NRXN3: variants seen among roughly 807,000 people sequenced by gnomAD.
NRXN3 encodes the protein neurexin III.
NRXN3 carries 32 observed loss-of-function variants against 137.6 expected under a neutral mutation model. That is an observed-to-expected ratio of 0.23 (90% CI 0.18 to 0.31). The LOEUF (loss-of-function observed/expected upper bound fraction) is 0.31, where lower values mean the gene tolerates loss of function less well. Among genes scored for constraint, NRXN3 ranks in the 10% least tolerant of loss-of-function variants. The probability of loss-of-function intolerance (pLI) is 1.00; values close to 1 mark genes in which losing one functional copy is unlikely to be tolerated. For missense variants in NRXN3, 1,574 were observed against 2,062.5 expected, an observed-to-expected ratio of 0.76 and a Z score of 4.59; for synonymous variants, 798 against 784.5, an observed-to-expected ratio of 1.02 and a Z score of -0.29.
chr14:78,909,944 A>C (rs1256065801), intron 10 of NRXN3, among the ~76,000 whole-genome samples: 1 of 152,140 alleles, frequency 6.6e-6, no homozygotes, highest in Non-Finnish European at 1.5e-5. Flanking sequence ...TCATTTATTC[A>C]TATAAATTTG....
At chr14:78,791,948 CTG>C (rs1013331912) in intron 8 of NRXN3, among the ~76,000 whole-genome samples, 2 of 151,902 alleles carry the variant, frequency 1.3e-5, no homozygotes, top group South Asian at 2.1e-4. Flanking sequence ...GTCAACGAAA[CTG>C]TGTCTGAACA....
intron 16 of NRXN3, among the ~76,000 whole-genome samples, chr14:79,537,737 T>C (rs1474059392): frequency 3.3e-5 from 5 of 152,222 alleles, no homozygotes; most frequent in African/African-American, 1.2e-4. Flanking sequence ...TTGTGAATAG[T>C]GCCGCAATAA....
intron 15 of NRXN3, among the ~76,000 whole-genome samples, chr14:79,428,250 T>C (rs2095688125): frequency 6.6e-6 from 1 of 152,170 alleles, no homozygotes; most frequent in Admixed American, 6.5e-5. Context: ...TGACAGAAAA[T>C]GTAAAGTCGT....
intron 16 of NRXN3, among the ~76,000 whole-genome samples, chr14:79,635,435 A>G (rs2098396373): frequency 6.6e-6 from 1 of 152,222 alleles, no homozygotes; most frequent in African/African-American, 2.4e-5. Context: ...AATGGGGTTC[A>G]CCAAACGTAC....
At chr14:79,375,538 A>G (rs1040514708) in intron 15 of NRXN3, among the ~76,000 whole-genome samples, 1 of 152,010 alleles carries the variant, frequency 6.6e-6, no homozygotes, top group African/African-American at 2.4e-5. Flanking sequence ...CCGCAGCGGG[A>G]CGTGCACTTG....
rs191074595 is a variant in NRXN3, at chr14:78,992,354, C to T, written c.3262+4213C>T. ...TGGCTATTCAGAGGGTGAGCACCACCTGAAAATCAACTTAATGAAAGCTGT... is the reference window on the plus strand; with the variant it reads ...TGGCTATTCAGAGGGTGAGCACCACTTGAAAATCAACTTAATGAAAGCTGT... On this transcript the variant is annotated intron_variant, in intron 15 of 20. Coordinates refer to ENST00000335750, the MANE Select transcript of NRXN3 (RefSeq NM_001330195.2). 2.4e-4 allele frequency among the ~76,000 whole-genome samples: 36 copies of T among 152,246 alleles called. 1 individual carries two copies. Among genetic ancestry groups the T allele is most frequent in the Admixed American group, 1.4e-3 (22 of 15,284 alleles).
chr14:78,752,475 C>G (rs2098647814), intron 8 of NRXN3, among the ~76,000 whole-genome samples: 1 of 152,168 alleles, frequency 6.6e-6, no homozygotes, highest in Non-Finnish European at 1.5e-5. Flanking sequence ...ACATTTAGAA[C>G]CTATGTATGC....
At chr14:79,670,714 G>C (rs1484779797) in intron 17 of NRXN3, among the ~76,000 whole-genome samples, 3 of 152,110 alleles carry the variant, frequency 2.0e-5, no homozygotes, top group Non-Finnish European at 4.4e-5. Context: ...AATGGGGATT[G>C]TGTTCATTGT....
intron 4 of NRXN3, among the ~76,000 whole-genome samples, chr14:78,555,149 A>G (rs1408127481): frequency 4.6e-5 from 7 of 152,182 alleles, no homozygotes; most frequent in Non-Finnish European, 7.3e-5. Flanking sequence ...TTAATGAGGT[A>G]ACAGTTATAA....
At chr14:79,283,451 G>A (rs1451970494) in intron 15 of NRXN3, among the ~76,000 whole-genome samples, 1 of 152,122 alleles carries the variant, frequency 6.6e-6, no homozygotes, top group Non-Finnish European at 1.5e-5. Flanking sequence ...AAGACAGATG[G>A]AAGAAACAGA....
intron 4 of NRXN3, among the ~76,000 whole-genome samples, chr14:78,347,810 G>C (rs189354372): frequency 6.6e-6 from 1 of 152,084 alleles, no homozygotes; most frequent in African/African-American, 2.4e-5. Flanking sequence ...TCAGAAGCTC[G>C]TGATTTCCTC....
intron 4 of NRXN3, among the ~76,000 whole-genome samples, chr14:78,540,907 G>A (rs1020357472): frequency 1.3e-5 from 2 of 152,156 alleles, no homozygotes; most frequent in African/African-American, 4.8e-5. Context: ...GAAATTCTGG[G>A]TTGAAAATTC....
chr14:78,475,020 T>C (rs528286375), intron 4 of NRXN3, among the ~76,000 whole-genome samples: 1 of 152,300 alleles, frequency 6.6e-6, no homozygotes. Flanking sequence ...CACTTTGATA[T>C]ACACTGTTGT....
intron 15 of NRXN3, among the ~76,000 whole-genome samples, chr14:79,423,016 G>C (rs917707239): frequency 1.3e-5 from 2 of 152,058 alleles, no homozygotes; most frequent in African/African-American, 4.8e-5. Flanking sequence ...CATTCTTAAA[G>C]ATGTTTCAGC....
At position 78,625,559 on chromosome 14, in the gene NRXN3, C is replaced by T. The variant is rs142750549; in HGVS notation, c.758-19561C>T. On this transcript the variant is annotated intron_variant, in intron 4 of 20. Transcript: ENST00000335750. Reference sequence around the variant, plus strand: ...GGAGGCATGGTTCTCTTGGACTTAGCCTGGGTTGTCTGCATCTGGGAAGGA... The same window carrying T: ...GGAGGCATGGTTCTCTTGGACTTAGTCTGGGTTGTCTGCATCTGGGAAGGA... Among the ~76,000 whole-genome samples, 10 of 152,268 alleles carry T rather than the reference C, an allele frequency of 6.6e-5. No individual in the cohort carries two copies. The East Asian group carries it at 1.9e-3, about 29-fold the overall frequency.
At chr14:79,181,462 C>T (rs146540639) in intron 15 of NRXN3, among the ~76,000 whole-genome samples, 1,940 of 152,016 alleles carry the variant, frequency 0.013, 39 homozygotes, top group African/African-American at 0.044. Flanking sequence ...GCAGGCGGAT[C>T]GCTTGAAGAC....
rs530625429 is a variant in NRXN3, at chr14:79,317,371, A to G, written c.3263-149850A>G. ...TTTGGTTTGCAGCTGCAGCACTTTG[A>G]TCACGGCCTTGTTGTCACATGGCAT... On this transcript the variant is annotated intron_variant, in intron 15 of 20. Transcript: ENST00000335750. 1.6e-4 allele frequency among the ~76,000 whole-genome samples: 25 copies of G among 152,250 alleles called. No homozygotes were observed. The South Asian group carries it at 3.9e-3, about 24-fold the overall frequency.
At position 78,238,944 on chromosome 14, in the gene NRXN3, T is replaced by C. The variant is rs537818122; in HGVS notation, c.-703-3447T>C. 1.2e-4 allele frequency among the ~76,000 whole-genome samples: 19 copies of C among 152,358 alleles called. No individual in the cohort carries two copies. The South Asian group carries it at 3.9e-3, about 32-fold the overall frequency. ...GGAATGTTTCTGGGCAGCAGAGTTT[T>C]TCATTCATGGGTTTCCTCAGGTCAC... is the stretch of plus-strand genomic sequence containing the variant. On this transcript the variant is annotated intron_variant, in intron 1 of 20. Transcript: ENST00000335750.
chr14:78,216,871 C>T lies in NRXN3; in HGVS notation c.-703-25520C>T, dbSNP rs369991453. On this transcript the variant is annotated intron_variant, in intron 1 of 20. Transcript: ENST00000335750. The stretch of plus-strand genomic sequence containing the variant: ...GGCGTTCCTTGGCTTGTAGTGGCCT[C>T]ACTCCAGTGGCCACTTCCATCATCA... Among the ~76,000 whole-genome samples, 58 of 152,254 alleles carry T rather than the reference C, an allele frequency of 3.8e-4. No homozygotes were observed. In the East Asian group the frequency reaches 0.01, roughly 27 times the overall value.
Sources: gnomAD v4.1 joint callset for allele counts (sites outside exome capture counted in the v4.1 genomes callset) on GRCh38, gnomAD v4.1.1 for gene constraint, MANE v1.5 for transcripts, NCBI Gene and HGNC (gene_info 2026-07-23, HGNC 2026-07-21) for gene names.